The following MACROH2A1 variants were observed in gnomAD, a reference collection of about 807,000 sequenced individuals.
MACROH2A1 encodes the protein core histone macro-H2A.1.
In MACROH2A1, 2 loss-of-function variants were observed where a neutral mutation model predicts 31.6. The observed-to-expected ratio is 0.06, with a 90% CI of 0.03 to 0.20. The LOEUF is 0.20. MACROH2A1 is among the 10% of genes least tolerant of loss of function. MACROH2A1 has a pLI of 1.00. For missense variants in MACROH2A1, 230 were observed against 474.0 expected, an observed-to-expected ratio of 0.49 and a Z score of 4.78; for synonymous variants, 169 against 189.6, an observed-to-expected ratio of 0.89 and a Z score of 0.89.
At chr5:135,373,470 C>T (rs529445673) in intron 2 of MACROH2A1, among the ~76,000 whole-genome samples, 1 of 152,300 alleles carries the variant, frequency 6.6e-6, no homozygotes, top group East Asian at 1.9e-4. Flanking sequence ...CCCCTTTATG[C>T]TCTTACTTTG....
intron 8 of MACROH2A1, among the ~76,000 whole-genome samples, chr5:135,336,114 A>G (rs1206503386): frequency 6.6e-6 from 1 of 152,144 alleles, no homozygotes; most frequent in East Asian, 1.9e-4. Context: ...CGCTGGGCCA[A>G]CCCGCCTATT....
Position 135,360,583 on chromosome 5 carries a change from C to A in MACROH2A1, c.502G>T (p.Ala168Ser). The change falls in exon 5 of 9, where the codon GCA (alanine) becomes TCA (serine). Residue 168 changes from alanine (A) to serine (S), a missense_variant. Transcript: ENST00000511689. The part of the protein sequence containing the change: ...SKKKQGEVSK[A>S]ASADSTTEGT... Reference sequence around the variant, plus strand: ...TCGGTTGTGCTGTCGGCGCTGGCTGCCTTACTGACTTCACCCTGCTTCTTC... The same window carrying A: ...TCGGTTGTGCTGTCGGCGCTGGCTGACTTACTGACTTCACCCTGCTTCTTC... The A allele has an allele frequency of 6.2e-7, 1 of 1,613,790 alleles. No individual in the cohort carries two copies. Among genetic ancestry groups the A allele is most frequent in the Non-Finnish European group, 8.5e-7 (1 of 1,179,700 alleles).
upstream of MACROH2A1, chr5:135,399,652 A>C (rs1768573362): frequency 6.6e-6 from 1 of 152,034 alleles, no homozygotes; most frequent in Admixed American, 6.6e-5. This position sits in a 1 kb window ranked among gnomAD's most constrained non-coding sequence, Gnocchi z 4.5. Flanking sequence ...TCCCCAGTCA[A>C]TGCCAACTCC....
At chr5:135,394,000 G>A (rs977087220) in intron 1 of MACROH2A1, among the ~76,000 whole-genome samples, 5 of 152,156 alleles carry the variant, frequency 3.3e-5, no homozygotes, top group Admixed American at 6.5e-5. Context: ...CTGGAGCAAC[G>A]CAGTCAGTTC....
At chr5:135,364,896 C>CAA (rs1274557150) in intron 4 of MACROH2A1, among the ~76,000 whole-genome samples, 2 of 152,132 alleles carry the variant, frequency 1.3e-5, no homozygotes, top group Non-Finnish European at 2.9e-5. Context: ...AAGAGGCACT[C>CAA]TACTAAAATC....
In MACROH2A1 at chr5:135,339,617, C is replaced by CACTT. The variant is rs1759435105; in HGVS notation, c.953+3639_953+3642dup. Among the ~76,000 whole-genome samples, 3 of 152,298 alleles carry CACTT rather than the reference C, an allele frequency of 2.0e-5. No individual in the cohort carries two copies. In the South Asian group the frequency reaches 6.2e-4, roughly 32 times the overall value. On this transcript the variant is annotated intron_variant, in intron 8 of 8. Transcript: ENST00000511689. ...GTGGATTCTGGTATTCTTTGTCTGT[C>CACTT]ACTTAGGGTATAGACATTCTTCTGC...
Position 135,369,303 on chromosome 5 carries a change from C to T in MACROH2A1, c.477+103G>A. 1 of 907,214 alleles carries T rather than the reference C, an allele frequency of 1.1e-6. No homozygotes were observed. The highest frequency in any genetic ancestry group is 1.5e-5 in the South Asian group (1 of 68,768). 56.2% of individuals were successfully genotyped at this position (907,214 alleles called of 1,614,324 possible). ...ACATGTTCCTCCTTTATTCTCCCAT[C>T]AGTGGGATGAGCCCACAGGGGGAAT... On this transcript the variant is annotated intron_variant, in intron 4 of 8. Transcript: ENST00000511689. This position sits in a 1 kb window ranked among gnomAD's most constrained non-coding sequence, Gnocchi z 4.3.
At chr5:135,339,610 T>A (rs942997747) in intron 8 of MACROH2A1, among the ~76,000 whole-genome samples, 3 of 152,220 alleles carry the variant, frequency 2.0e-5, no homozygotes, top group Non-Finnish European at 4.4e-5. Context: ...TGGTATTCTT[T>A]GTCTGTCACT....
chr5:135,372,119 T>G (rs1398464056), intron 2 of MACROH2A1, among the ~76,000 whole-genome samples: 1 of 152,118 alleles, frequency 6.6e-6, no homozygotes, highest in African/African-American at 2.4e-5. Flanking sequence ...ATTCCTTTGC[T>G]CAGTAATCAC....
At chr5:135,336,046 A>G (rs1240826851) in intron 8 of MACROH2A1, among the ~76,000 whole-genome samples, 15 of 152,164 alleles carry the variant, frequency 9.9e-5, no homozygotes, top group Admixed American at 9.8e-4. Flanking sequence ...CTCTTTGTTC[A>G]TTGGCAGATC....
chr5:135,390,641 T>A (rs1483491844), intron 1 of MACROH2A1, among the ~76,000 whole-genome samples: 2 of 152,162 alleles, frequency 1.3e-5, no homozygotes, highest in Middle Eastern at 3.2e-3. Context: ...CATGTACTGA[T>A]AAACTGACGT....
intron 8 of MACROH2A1, among the ~76,000 whole-genome samples, chr5:135,341,918 G>A (rs1194682706): frequency 6.6e-6 from 1 of 152,224 alleles, no homozygotes; most frequent in African/African-American, 2.4e-5. Flanking sequence ...GCTGGGAGGG[G>A]CTGATGGGCA....
chr5:135,358,863 C>G, intron 5 of MACROH2A1: 1 of 984,998 alleles, frequency 1.0e-6, no homozygotes. Flanking sequence ...CCAGATGTAT[C>G]TGAAAAGGAA....
intron 5 of MACROH2A1, chr5:135,356,861 T>C (rs1314898005): frequency 6.6e-6 from 1 of 152,202 alleles, no homozygotes; most frequent in Non-Finnish European, 1.5e-5. Context: ...TTAAAGATAG[T>C]GCCTGAGTAG....
At chr5:135,359,169 G>C (rs1345838414) in intron 5 of MACROH2A1, 2 of 985,412 alleles carry the variant, frequency 2.0e-6, no homozygotes, top group African/African-American at 3.5e-5. Context: ...CAAGAACATA[G>C]GCAGGGGAGA....
chr5:135,364,787 T>C (rs1407504644), intron 4 of MACROH2A1, among the ~76,000 whole-genome samples: 4 of 152,266 alleles, frequency 2.6e-5, no homozygotes, highest in South Asian at 2.1e-4. Flanking sequence ...ATTTTTCTAA[T>C]AGTAGCTTCT....
At chr5:135,337,239 G>A (rs1758886576) in intron 8 of MACROH2A1, among the ~76,000 whole-genome samples, 2 of 152,264 alleles carry the variant, frequency 1.3e-5, no homozygotes, top group African/African-American at 4.8e-5. Flanking sequence ...AGCTAGCCCT[G>A]GGGCAGGGCT....
At chr5:135,388,824 C>T (rs1448371161) in intron 2 of MACROH2A1, 98 bp downstream of exon 2, 16 of 1,000,406 alleles carry the variant, frequency 1.6e-5, no homozygotes, top group Non-Finnish European at 2.1e-5. Flanking sequence ...TAGGTTTGAG[C>T]TGTTTCAAAA....
chr5:135,339,514 G>A (rs538543308), intron 8 of MACROH2A1, among the ~76,000 whole-genome samples: 22 of 152,328 alleles, frequency 1.4e-4, no homozygotes, highest in Non-Finnish European at 2.8e-4. Context: ...AGGAGAGGCT[G>A]TATCCTGGGA....
Sources: gnomAD v4.1 joint callset for allele counts (sites outside exome capture counted in the v4.1 genomes callset) on GRCh38, gnomAD v4.1.1 for gene constraint, Gnocchi (gnomAD v3.1) non-coding constraint, MANE v1.5 for transcripts, NCBI Gene and HGNC (gene_info 2026-07-23, HGNC 2026-07-21) for gene names.